SHTN1: variants seen among roughly 807,000 people sequenced by gnomAD.
SHTN1 encodes shootin 1, also known as shootin-1.
A neutral mutation model predicts 83.1 loss-of-function variants in SHTN1; 42 were observed. The ratio of observed to expected loss-of-function variants is 0.51; its 90% CI spans 0.39 to 0.65. The LOEUF (loss-of-function observed/expected upper bound fraction) is 0.65, where lower values mean the gene tolerates loss of function less well. Ranked by LOEUF, SHTN1 falls within the 30% of genes least tolerant of loss-of-function variation. The pLI is 0.00. For missense variants in SHTN1, 622 were observed against 737.8 expected (o/e 0.84, Z 1.82); for synonymous variants, 224 against 247.7 (o/e 0.90, Z 0.90).
intron 1 of SHTN1, among the ~76,000 whole-genome samples, chr10:117,057,847 A>C (rs770229759): frequency 2.6e-5 from 4 of 152,210 alleles, no homozygotes; most frequent in Non-Finnish European, 5.9e-5. Flanking sequence ...TAAAATGTTC[A>C]GTTTTCAACA....
At chr10:116,993,039 G>A (rs1488271713) in intron 1 of SHTN1, among the ~76,000 whole-genome samples, 1 of 79,934 alleles carries the variant, frequency 1.3e-5, no homozygotes, top group South Asian at 4.1e-4. Context: ...TTTTTGAGAT[G>A]GAGTCTCGCT....
intron 1 of SHTN1, among the ~76,000 whole-genome samples, chr10:117,112,278 A>G (rs1056999633): frequency 6.6e-6 from 1 of 152,064 alleles, no homozygotes; most frequent in Non-Finnish European, 1.5e-5. Flanking sequence ...AGTTCTCTTA[A>G]TAATAAAGTC....
intron 1 of SHTN1, among the ~76,000 whole-genome samples, chr10:117,106,360 CAGG>C (rs1853669598): frequency 6.6e-6 from 1 of 151,068 alleles, no homozygotes; most frequent in Non-Finnish European, 1.5e-5. Flanking sequence ...GAGGCTGAGG[CAGG>C]AGAATTGCTT....
At chr10:116,891,089 G>A (rs1386255420) in intron 16 of SHTN1, among the ~76,000 whole-genome samples, 3 of 152,158 alleles carry the variant, frequency 2.0e-5, no homozygotes, top group African/African-American at 7.2e-5. Flanking sequence ...TGAAATGAAG[G>A]GGGAAATGCT....
chr10:117,031,438 TAC>T (rs1403316429), intron 2 of SHTN1, among the ~76,000 whole-genome samples: 2 of 152,150 alleles, frequency 1.3e-5, no homozygotes, highest in Non-Finnish European at 2.9e-5. Context: ...TAATAATAAG[TAC>T]ACAGAAAAAC....
chr10:116,962,648 AC>A lies in SHTN1; in HGVS notation c.173-2419del, dbSNP rs1361878550. On this transcript the variant is annotated intron_variant, in intron 3 of 16. Coordinates refer to ENST00000355371, the MANE Select transcript of SHTN1 (RefSeq NM_001127211.3). ...TAGGAAACAAAACAAAACAAAAAAA[AC>A]ATTTATTTTCTGAACATTTTGTAAA... is the stretch of plus-strand genomic sequence containing the variant. Among the ~76,000 whole-genome samples the A allele has an allele frequency of 1.6e-4, 24 of 152,280 alleles. No individual in the cohort carries two copies. In the East Asian group the frequency reaches 3.1e-3, roughly 20 times the overall value.
intron 9 of SHTN1, among the ~76,000 whole-genome samples, chr10:116,934,800 A>G (rs965866007): frequency 1.3e-5 from 2 of 152,152 alleles, no homozygotes; most frequent in Non-Finnish European, 2.9e-5. Flanking sequence ...CCTATCCATG[A>G]GTATGGAATG....
At chr10:116,888,456 G>A (rs533940575) in intron 16 of SHTN1, among the ~76,000 whole-genome samples, 11 of 152,328 alleles carry the variant, frequency 7.2e-5, no homozygotes, top group Non-Finnish European at 1.3e-4. Flanking sequence ...CTGCTTCTGC[G>A]TCTGACACTG....
In SHTN1 at chr10:116,928,004, C is replaced by A. The variant is rs1468698811; in HGVS notation, c.1013-113G>T. On this transcript the variant is annotated intron_variant, in intron 10 of 16. Transcript: ENST00000355371. ...CAAAAGTAAGTTCTTTTTATTAAGG[C>A]AAAATTAGAAATTTCAATATGAAAT... is the stretch of plus-strand genomic sequence containing the variant. The A allele has an allele frequency of 3.3e-6, 4 of 1,218,866 alleles. No homozygotes were observed. In the African/African-American group the frequency reaches 6.2e-5, roughly 19 times the overall value. 75.5% of individuals were successfully genotyped at this position (1,218,866 alleles called of 1,614,324 possible).
chr10:116,940,384 C>T (rs1297895373), intron 9 of SHTN1, 82 bp downstream of exon 9: 2 of 1,384,074 alleles, frequency 1.4e-6, no homozygotes, highest in Non-Finnish European at 2.0e-6. Context: ...GGACTGACTG[C>T]ACTGGCTCCC....
intron 2 of SHTN1, among the ~76,000 whole-genome samples, chr10:117,012,714 C>T (rs1488811225): frequency 6.6e-6 from 1 of 151,618 alleles, no homozygotes; most frequent in Non-Finnish European, 1.5e-5. Flanking sequence ...AAATACGATG[C>T]CAAAAGCGTA....
chr10:116,948,511 C>G (rs947787344), intron 7 of SHTN1, among the ~76,000 whole-genome samples: 1 of 152,164 alleles, frequency 6.6e-6, no homozygotes. Context: ...TCCACATCCT[C>G]TTAATTTAAA....
chr10:116,897,640 T>C (rs1246293410), intron 16 of SHTN1, among the ~76,000 whole-genome samples: 1 of 152,220 alleles, frequency 6.6e-6, no homozygotes, highest in Non-Finnish European at 1.5e-5. Context: ...TTTATTAAAA[T>C]GCTTTTCCTA....
intron 1 of SHTN1, among the ~76,000 whole-genome samples, chr10:117,074,193 A>C (rs981895843): frequency 9.2e-5 from 14 of 152,204 alleles, no homozygotes; most frequent in Admixed American, 5.9e-4. Flanking sequence ...AGCAAACACC[A>C]AATGACCCTG....
At chr10:117,012,158 A>G (rs891116528) in intron 2 of SHTN1, among the ~76,000 whole-genome samples, 2 of 151,786 alleles carry the variant, frequency 1.3e-5, no homozygotes, top group Admixed American at 6.6e-5. Flanking sequence ...AAAAAAGAGA[A>G]AAAGGAAAAA....
intron 1 of SHTN1, among the ~76,000 whole-genome samples, chr10:116,983,778 G>A (rs1048689743): frequency 6.6e-6 from 1 of 151,970 alleles, no homozygotes; most frequent in Non-Finnish European, 1.5e-5. Flanking sequence ...AGAAGTGAGA[G>A]CCCCAGGTAA....
At chr10:116,972,462 A>G (rs1470900196) in intron 2 of SHTN1, among the ~76,000 whole-genome samples, 2 of 152,198 alleles carry the variant, frequency 1.3e-5, no homozygotes, top group Non-Finnish European at 2.9e-5. Flanking sequence ...GCAGAAATCC[A>G]AACACCCACT....
chr10:116,989,919 C>T (rs887248172), intron 1 of SHTN1, among the ~76,000 whole-genome samples: 1 of 152,150 alleles, frequency 6.6e-6, no homozygotes, highest in Non-Finnish European at 1.5e-5. Flanking sequence ...AATTTCTTCT[C>T]CCTTTCATTT....
chr10:116,919,422 G>A (rs1328722860), intron 12 of SHTN1, among the ~76,000 whole-genome samples: 1 of 152,160 alleles, frequency 6.6e-6, no homozygotes. Flanking sequence ...TCCCAAAATA[G>A]CAATCTGGTA....
Sources: allele counts gnomAD v4.1 joint callset (sites outside exome capture counted in the v4.1 genomes callset), GRCh38; gene constraint gnomAD v4.1.1; transcripts MANE v1.5; gene names NCBI Gene and HGNC (gene_info 2026-07-23, HGNC 2026-07-21).